The following ANO2 variants were observed in gnomAD, a reference collection of about 807,000 sequenced individuals.
ANO2 encodes the protein anoctamin-2.
In ANO2, 101 loss-of-function variants were observed where a neutral mutation model predicts 124.2. That is an observed-to-expected ratio of 0.81 (90% CI 0.69 to 0.96). The LOEUF is 0.96. ANO2 is among the 40% of genes least tolerant of loss of function. ANO2 has a pLI of 0.00. For synonymous variants in ANO2, 486 were observed against 482.5 expected, an observed-to-expected ratio of 1.01 and a Z score of -0.09; for missense variants, 1,293 against 1,274.5, an observed-to-expected ratio of 1.01 and a Z score of -0.22.
chr12:5,899,917 GTC>G (rs1442208689), intron 3 of ANO2, among the ~76,000 whole-genome samples: 1 of 152,222 alleles, frequency 6.6e-6, no homozygotes, highest in African/African-American at 2.4e-5. Context: ...CAGCACAAGT[GTC>G]TGTGTTTGTG....
At chr12:5,839,775 G>C (rs569502112) in intron 4 of ANO2, among the ~76,000 whole-genome samples, 2 of 152,290 alleles carry the variant, frequency 1.3e-5, no homozygotes, top group South Asian at 4.2e-4. Context: ...TGCCAGGTAG[G>C]ATTAGCATCT....
chr12:5,789,111 G>A (rs1403967756), intron 10 of ANO2, among the ~76,000 whole-genome samples: 1 of 152,224 alleles, frequency 6.6e-6, no homozygotes, highest in Admixed American at 6.5e-5. Flanking sequence ...ATCACCGCAG[G>A]ATGAACAAAA....
intron 1 of ANO2, among the ~76,000 whole-genome samples, chr12:5,943,309 G>GTGTGTA (rs1942969002): frequency 1.4e-5 from 2 of 141,846 alleles, no homozygotes; most frequent in African/African-American, 5.2e-5. Flanking sequence ...GTGTGTGTGT[G>GTGTGTA]TGTGTAATAC....
chr12:5,621,969 A>G (rs1045202059), intron 16 of ANO2, among the ~76,000 whole-genome samples: 1 of 152,182 alleles, frequency 6.6e-6, no homozygotes, highest in Non-Finnish European at 1.5e-5. Flanking sequence ...GCCTCTGTCC[A>G]GGGTGCCTGA....
intron 14 of ANO2, among the ~76,000 whole-genome samples, chr12:5,667,612 G>A: frequency 6.6e-6 from 1 of 152,154 alleles, no homozygotes; most frequent in African/African-American, 2.4e-5. Context: ...AGGTAAACGT[G>A]TGCCATGGTA....
intron 13 of ANO2, among the ~76,000 whole-genome samples, chr12:5,735,473 C>T (rs2137071372): frequency 6.6e-6 from 1 of 152,306 alleles, no homozygotes; most frequent in African/African-American, 2.4e-5. Context: ...TGAGGCTATA[C>T]TGCCAGTCCT....
chr12:5,799,235 G>T (rs1952963421), intron 10 of ANO2, among the ~76,000 whole-genome samples: 1 of 152,204 alleles, frequency 6.6e-6, no homozygotes, highest in African/African-American at 2.4e-5. Flanking sequence ...CCCTCCCAGA[G>T]AACAGGCAGG....
intron 20 of ANO2, among the ~76,000 whole-genome samples, chr12:5,582,278 C>A (rs368827662): frequency 4.2e-4 from 64 of 152,338 alleles, no homozygotes; most frequent in African/African-American, 1.5e-3. Flanking sequence ...CTGTAAAATG[C>A]TCCAGTAATG....
intron 20 of ANO2, among the ~76,000 whole-genome samples, chr12:5,590,257 T>C (rs1312033792): frequency 6.6e-6 from 1 of 152,194 alleles, no homozygotes; most frequent in East Asian, 1.9e-4. Flanking sequence ...CTATATTTTA[T>C]GTGTGGCCCA....
intron 10 of ANO2, among the ~76,000 whole-genome samples, chr12:5,771,963 T>C (rs1952095343): frequency 6.6e-6 from 1 of 152,208 alleles, no homozygotes; most frequent in South Asian, 2.1e-4. Flanking sequence ...CAAGTACATG[T>C]CAAACAGTGA....
chr12:5,845,844 A>G (rs1954669644), intron 4 of ANO2, among the ~76,000 whole-genome samples: 2 of 152,206 alleles, frequency 1.3e-5, no homozygotes, highest in Non-Finnish European at 2.9e-5. Context: ...GGTCATATCT[A>G]CCTCATGTCG....
chr12:5,563,144 G>A lies in ANO2; in HGVS notation c.*155C>T, dbSNP rs1483429312. ...TTCTCTTCCTTCCTACACTCATTCT[G>A]TCAGGCTCTTTCTTTTTACACACTG... On this transcript the variant is annotated 3_prime_UTR_variant, in exon 25 of 25. Transcript: ENST00000682330. 6 of 1,017,294 alleles carry A rather than the reference G, an allele frequency of 5.9e-6. No individual in the cohort carries two copies. Among genetic ancestry groups the A allele is most frequent in the East Asian group, 2.6e-5 (1 of 38,020 alleles). The allele number at this position is 1,017,294 out of a possible 1,614,324, so 63.0% of individuals were successfully genotyped here.
intron 10 of ANO2, among the ~76,000 whole-genome samples, chr12:5,752,123 A>G (rs1458841754): frequency 6.6e-6 from 1 of 152,222 alleles, no homozygotes; most frequent in Non-Finnish European, 1.5e-5. Flanking sequence ...GCATCTGTCA[A>G]TGGATGCTTG....
intron 20 of ANO2, among the ~76,000 whole-genome samples, chr12:5,584,663 C>T (rs1943006040): frequency 6.6e-6 from 1 of 152,170 alleles, no homozygotes; most frequent in Admixed American, 6.5e-5. Flanking sequence ...ATCCCCTTTT[C>T]CCAAGAGCAA....
At chr12:5,605,148 T>C (rs937049681) in intron 19 of ANO2, among the ~76,000 whole-genome samples, 3 of 152,142 alleles carry the variant, frequency 2.0e-5, no homozygotes, top group Non-Finnish European at 2.9e-5. Context: ...AACCTAGCCC[T>C]AAATGACCAA....
At chr12:5,620,381 G>A (rs1041317347) in intron 16 of ANO2, among the ~76,000 whole-genome samples, 4 of 152,192 alleles carry the variant, frequency 2.6e-5, no homozygotes, top group Non-Finnish European at 5.9e-5. Flanking sequence ...ACTTGAGAGT[G>A]GGAAAGCTAA....
intron 20 of ANO2, among the ~76,000 whole-genome samples, chr12:5,593,209 A>G (rs2136871348): frequency 6.6e-6 from 1 of 152,384 alleles, no homozygotes; most frequent in South Asian, 2.1e-4. Context: ...GAAGAAATTC[A>G]TCTCATCACC....
At chr12:5,853,166 A>ATTTTT (rs55663635) in intron 4 of ANO2, among the ~76,000 whole-genome samples, 7 of 140,042 alleles carry the variant, frequency 5.0e-5, no homozygotes, top group South Asian at 2.3e-4. Context: ...CCCTGGGTAG[A>ATTTTT]TTTTTTTTTT....
chr12:5,943,552 G>C (rs1942979733), intron 1 of ANO2, among the ~76,000 whole-genome samples: 1 of 151,914 alleles, frequency 6.6e-6, no homozygotes, highest in Non-Finnish European at 1.5e-5. Flanking sequence ...TTACATACTG[G>C]GTACAATGTA....
Sources: gnomAD v4.1 joint callset for allele counts (sites outside exome capture counted in the v4.1 genomes callset) on GRCh38, gnomAD v4.1.1 for gene constraint, MANE v1.5 for transcripts, NCBI Gene and HGNC (gene_info 2026-07-23, HGNC 2026-07-21) for gene names.